The following ADSS1 variants were observed in gnomAD, a reference collection of about 807,000 sequenced individuals.
The protein encoded by ADSS1 is adenylosuccinate synthetase isozyme 1.
Under a neutral mutation model 59.1 loss-of-function variants are expected in ADSS1, and 57 were observed. The ratio of observed to expected loss-of-function variants is 0.97; its 90% CI spans 0.78 to 1.20. The LOEUF is 1.20. Among genes scored for constraint, ADSS1 ranks in the 50% most tolerant of loss-of-function variants. The probability of loss-of-function intolerance (pLI) is 0.00; values close to 1 mark genes in which losing one functional copy is unlikely to be tolerated. For missense variants in ADSS1, 603 were observed against 610.3 expected (o/e 0.99, Z 0.13); for synonymous variants, 247 against 249.4 (o/e 0.99, Z 0.09).
intron 1 of ADSS1, among the ~76,000 whole-genome samples, chr14:104,725,325 C>G (rs1890688673): frequency 6.6e-6 from 1 of 152,188 alleles, no homozygotes; most frequent in Admixed American, 6.5e-5. Context: ...ACTTACAGCT[C>G]CAGGCACAAA....
rs755536909 is a variant in ADSS1, at chr14:104,740,666, G to T, written c.542G>T (p.Arg181Leu). The T allele has an allele frequency of 6.2e-7, 1 of 1,613,740 alleles. No individual in the cohort carries two copies. The highest frequency in any genetic ancestry group is 2.2e-5 in the East Asian group (1 of 44,870). The change falls in exon 6 of 13, where the codon CGC becomes CTC. Residue 181 changes from arginine (R) to leucine (L), a missense_variant. Coordinates refer to ENST00000330877, the MANE Select transcript of ADSS1 (RefSeq NM_152328.5). The surrounding 1 kb of genome is among the most constrained non-coding windows in gnomAD (Gnocchi z 4.8). The part of the protein sequence containing the change: ...YSSKAARTGL[R>L]ICDLLSDFDE... The stretch of plus-strand genomic sequence containing the variant: ...TCCAAAGCTGCCCGGACAGGCCTCC[G>T]CATCTGCGACCTCCTGTCAGATTTT...
rs765810257 is a variant in ADSS1 at position 104,739,424 on chromosome 14, C to CG, written c.409+46_409+47insG. ...CAGGGAACAGCCCCTCCTGCCCCCA[C>CG]CATTGCCAGCCGGCCCTGCTCCTAC... On this transcript the variant is annotated intron_variant, in intron 4 of 12. Coordinates refer to ENST00000330877, the MANE Select transcript of ADSS1 (RefSeq NM_152328.5). 1.4e-5 allele frequency: 22 copies of CG among 1,572,388 alleles called. No homozygotes were observed. In the African/African-American group the frequency reaches 3.0e-4, roughly 21 times the overall value.
rs778986361 is a variant in ADSS1 at position 104,739,776 on chromosome 14, G to A, written c.436G>A (p.Gly146Arg). ...GTTTGATTTTCACCAGGCTGTCGAC[G>A]GACTTCAGGAAGTGCAGCGCCAGGC... ...LVFDFHQAVD[G>R]LQEVQRQAQE... Residue 146 changes from glycine (G) to arginine (R), a missense_variant, in exon 5 of 13, where the codon GGA becomes AGA. Physicochemically the swap from Gly to Arg is moderately radical, Grantham distance 125. Transcript: ENST00000330877. 1.2e-5 allele frequency: 20 copies of A among 1,613,876 alleles called. No homozygotes were observed. Among genetic ancestry groups the A allele is most frequent in the East Asian group, 2.2e-5 (1 of 44,886 alleles).
rs544157025 is a variant in ADSS1, at chr14:104,740,650, G to T, written c.526G>T (p.Ala176Ser). ...CGGACCAACCTACTCTTCCAAAGCT[G>T]CCCGGACAGGCCTCCGCATCTGCGA... ...GIGPTYSSKA[A>S]RTGLRICDLL... is the part of the protein sequence containing the mutation. The change falls in exon 6 of 13, where the codon GCC (alanine) becomes TCC (serine). Residue 176 changes from alanine (A) to serine (S), a missense_variant. Coordinates refer to ENST00000330877, the MANE Select transcript of ADSS1 (RefSeq NM_152328.5). The surrounding 1 kb of genome is among the most constrained non-coding windows in gnomAD (Gnocchi z 4.8). 6.2e-7 allele frequency: 1 copy of T among 1,613,938 alleles called. No individual in the cohort carries two copies. The highest frequency in any genetic ancestry group is 2.2e-5 in the East Asian group (1 of 44,858).
At chr14:104,727,216 G>A (rs553393274) in intron 1 of ADSS1, among the ~76,000 whole-genome samples, 7 of 152,214 alleles carry the variant, frequency 4.6e-5, no homozygotes, top group East Asian at 1.9e-4. Flanking sequence ...TGAGAGTGTC[G>A]TCACCTCCCA....
chr14:104,734,990 G>A (rs764014811), intron 1 of ADSS1, 30 bp from the exon 2 acceptor site: 37 of 1,602,254 alleles, frequency 2.3e-5, no homozygotes, highest in Non-Finnish European at 3.1e-5. Context: ...GTACCCAAGT[G>A]CCTTCAGCTC....
At chr14:104,731,791 T>G (rs1230469083) in intron 1 of ADSS1, among the ~76,000 whole-genome samples, 1 of 152,170 alleles carries the variant, frequency 6.6e-6, no homozygotes, top group Non-Finnish European at 1.5e-5. Context: ...TGAGTGCGGC[T>G]GCCCTGGGGG....
intron 1 of ADSS1, among the ~76,000 whole-genome samples, chr14:104,734,751 T>C (rs1891054799): frequency 6.6e-6 from 1 of 152,170 alleles, no homozygotes; most frequent in Admixed American, 6.5e-5. Context: ...TGCAGAGACC[T>C]GCACCAAGCC....
chr14:104,730,910 C>A lies in ADSS1; in HGVS notation c.193-4110C>A, dbSNP rs148583045. The stretch of plus-strand genomic sequence containing the variant: ...CCTGCCACCAGGGAGGCAGCTGGCA[C>A]GGATGTCCCCTAGGGACTGTGAGTG... On this transcript the variant is annotated intron_variant, in intron 1 of 12. Coordinates refer to ENST00000330877, the MANE Select transcript of ADSS1 (RefSeq NM_152328.5). Among the ~76,000 whole-genome samples, 478 of 134,294 alleles carry A rather than the reference C, an allele frequency of 3.6e-3. 2 individuals are homozygous for A. The highest frequency in any genetic ancestry group is 0.013 in the African/African-American group (454 of 36,010). 88.1% of individuals were successfully genotyped at this position (134,294 alleles called of 152,430 possible).
At chr14:104,742,255 C>A (rs1891393276) in intron 9 of ADSS1, among the ~76,000 whole-genome samples, 1 of 152,282 alleles carries the variant, frequency 6.6e-6, no homozygotes, top group African/African-American at 2.4e-5. Flanking sequence ...TACACGTGAC[C>A]TCGTTCCCCT....
In ADSS1 at chr14:104,741,889, G is replaced by A. The variant is rs574062486; in HGVS notation, c.835G>A (p.Gly279Ser). 14 of 1,613,476 alleles carry A rather than the reference G, an allele frequency of 8.7e-6. No individual in the cohort carries two copies. The highest frequency in any genetic ancestry group is 3.3e-5 in the South Asian group (3 of 91,090). Residue 279 changes from glycine to serine, a missense_variant, in exon 9 of 13, where the codon GGT (glycine) becomes AGT (serine). Coordinates refer to ENST00000330877, the MANE Select transcript of ADSS1 (RefSeq NM_152328.5). ...GACTTCATCCAACTGCACCGTGGGC[G>A]GTGTGTGCACGGGCCTGGGCATCCC... ...FVTSSNCTVG[G>S]VCTGLGIPPQ...
chr14:104,729,544 A>G (rs1890828576), intron 1 of ADSS1, among the ~76,000 whole-genome samples: 1 of 81,034 alleles, frequency 1.2e-5, no homozygotes, highest in Non-Finnish European at 2.4e-5. Flanking sequence ...CGTGGGGAGG[A>G]GCGTGGCGTC....
At position 104,738,443 on chromosome 14, in the gene ADSS1, G is replaced by A. The variant is rs1243653840; in HGVS notation, c.358+5G>A. 2.5e-6 allele frequency: 4 copies of A among 1,613,436 alleles called. No homozygotes were observed. Among genetic ancestry groups the A allele is most frequent in the Admixed American group, 3.3e-5 (2 of 59,982 alleles). The stretch of plus-strand genomic sequence containing the variant: ...CAGAGAAGAATGAAAAGAAAGGTAG[G>A]TCCAAGCTCCTGCAGACTTGCCCTG... On this transcript the variant is annotated splice_donor_5th_base_variant and intron_variant, in intron 3 of 12. Coordinates refer to ENST00000330877, the MANE Select transcript of ADSS1 (RefSeq NM_152328.5).
intron 3 of ADSS1, among the ~76,000 whole-genome samples, chr14:104,738,863 C>T (rs530821772): frequency 1.3e-5 from 2 of 152,198 alleles, no homozygotes; most frequent in African/African-American, 2.4e-5. Flanking sequence ...CAGGGACGGA[C>T]GGCAGCCTGA....
chr14:104,746,378 A>G lies in ADSS1; in HGVS notation c.1314A>G (p.Gly438=). 6.2e-7 allele frequency: 1 copy of G among 1,611,454 alleles called. No homozygotes were observed. Among genetic ancestry groups the G allele is most frequent in the Admixed American group, 1.7e-5 (1 of 59,962 alleles). Residue 438 remains glycine (G), a synonymous_variant, in exon 12 of 13, where the codon GGA becomes GGG. Transcript: ENST00000330877. ...TCCGCTTTGTGGAGAATCACGTGGG[A>G]GTCGCAGGTGGGTGCCCTGCATCCC... ...NYIRFVENHV[G]VAVKWVGVGK... is the part of the protein sequence containing the mutation.
chr14:104,738,140 G>C, intron 2 of ADSS1: 1 of 368,414 alleles, frequency 2.7e-6, no homozygotes, highest in Non-Finnish European at 5.1e-6. Context: ...GAGATTACAG[G>C]CATGCGCCAC....
intron 9 of ADSS1, 128 bp downstream of exon 9, chr14:104,742,130 C>G: frequency 7.4e-7 from 1 of 1,356,778 alleles, no homozygotes; most frequent in Non-Finnish European, 1.0e-6. Flanking sequence ...CCATCTCCCA[C>G]CAGGGCGCTT....
intron 1 of ADSS1, among the ~76,000 whole-genome samples, chr14:104,734,409 C>T (rs1362521383): frequency 6.6e-6 from 1 of 152,174 alleles, no homozygotes; most frequent in Non-Finnish European, 1.5e-5. Flanking sequence ...GCATCCAGGG[C>T]GTGGCACAGT....
chr14:104,727,381 T>C (rs1595192971), intron 1 of ADSS1, among the ~76,000 whole-genome samples: 1 of 152,130 alleles, frequency 6.6e-6, no homozygotes, highest in South Asian at 2.1e-4. Flanking sequence ...TCTGGGTCTG[T>C]TCGGCTGCAC....
Sources: allele counts gnomAD v4.1 joint callset (sites outside exome capture counted in the v4.1 genomes callset), GRCh38; gene constraint gnomAD v4.1.1; non-coding constraint Gnocchi (gnomAD v3.1); transcripts MANE v1.5; gene names NCBI Gene and HGNC (gene_info 2026-07-23, HGNC 2026-07-21).